HP1BP3: variants seen among roughly 807,000 people sequenced by gnomAD.
HP1BP3 encodes heterochromatin protein 1 binding protein 3.
Under a neutral mutation model 62.5 loss-of-function variants are expected in HP1BP3, and 12 were observed. The observed-to-expected ratio is 0.19, with a 90% CI of 0.12 to 0.31. HP1BP3 has a LOEUF of 0.31. Ranked by LOEUF, HP1BP3 falls within the 10% of genes least tolerant of loss-of-function variation. The pLI, the probability that HP1BP3 is intolerant of heterozygous loss-of-function variation, is 1.00. For missense variants in HP1BP3, 502 were observed against 651.8 expected (o/e 0.77, Z 2.50); for synonymous variants, 260 against 237.8 (o/e 1.09, Z -0.86).
Position 20,745,023 on chromosome 1 carries a change from G to A in HP1BP3, c.1436C>T (p.Pro479Leu). Residue 479 changes from proline to leucine, a missense_variant, in exon 13 of 13, where the codon CCT becomes CTT. Around this residue, in one of 5 missense-constraint regions of HP1BP3, gnomAD observed 194 missense variants for 207.0 expected, o/e 0.94. Coordinates refer to ENST00000438032, the MANE Select transcript of HP1BP3 (RefSeq NM_001372052.1). ...CTGGGCAGCTGAGACTTTAGGTGCA[G>A]GTTTGGACCCTCTCTGCTTCACAGA... ...AASVKQRGSK[P>L]APKVSAAQRG... The A allele has an allele frequency of 1.2e-6, 2 of 1,614,166 alleles. No homozygotes were observed. The highest frequency in any genetic ancestry group is 1.7e-4 in the Middle Eastern group (1 of 6,042).
chr1:20,766,950 A>AAAACAAACAAAC lies in HP1BP3; in HGVS notation c.735+622_735+633dup, dbSNP rs111382368. Among the ~76,000 whole-genome samples, 819 of 152,032 alleles carry AAAACAAACAAAC rather than the reference A, an allele frequency of 5.4e-3. 7 individuals are homozygous for AAAACAAACAAAC. The highest frequency in any genetic ancestry group is 0.018 in the African/African-American group (761 of 41,356). On this transcript the variant is annotated intron_variant, in intron 7 of 12. Transcript: ENST00000438032. ...AGAGCAAGATTCTATCTTAGAAAAGAAAACAAACAAACAAACAAACAAAAA... is the reference window on the plus strand; with the variant it reads ...AGAGCAAGATTCTATCTTAGAAAAGAAAACAAACAAACAAACAAACAAACAAACAAACAAAAA...
At chr1:20,765,557 GATC>G (rs1384276630) in intron 7 of HP1BP3, 26 bp from the exon 8 acceptor site, 1 of 1,578,802 alleles carries the variant, frequency 6.3e-7, no homozygotes, top group East Asian at 2.3e-5. Context: ...CAAAAATTAT[GATC>G]ATTATAGAAC....
intron 5 of HP1BP3, 97 bp downstream of exon 5, chr1:20,773,354 C>G (rs1191804776): frequency 1.2e-5 from 12 of 997,024 alleles, no homozygotes; most frequent in Non-Finnish European, 1.2e-5. Flanking sequence ...GGAAGCAGAA[C>G]AAGATTTATG....
At chr1:20,745,157 A>G (rs2055233435) in intron 12 of HP1BP3, 66 bp from the exon 13 acceptor site, 6 of 1,508,362 alleles carry the variant, frequency 4.0e-6, no homozygotes, top group African/African-American at 1.4e-5. Context: ...TGGGACAACC[A>G]GATGCTTTCT....
Position 20,780,494 on chromosome 1 carries a change from AACC to A in HP1BP3, c.-57_-55del, listed in dbSNP as rs1159025305. On this transcript the variant is annotated 5_prime_UTR_variant, in exon 2 of 13. Coordinates refer to ENST00000438032, the MANE Select transcript of HP1BP3 (RefSeq NM_001372052.1). ...GTTACACTCTGAAGCCTCTGCTGTT[AACC>A]ACAAGGATTTTTCCTAATGGTTTCA... is the stretch of plus-strand genomic sequence containing the variant. 2 of 1,266,912 alleles carry A rather than the reference AACC, an allele frequency of 1.6e-6. No homozygotes were observed. Among genetic ancestry groups the A allele is most frequent in the Non-Finnish European group, 2.3e-6 (2 of 865,710 alleles). 78.5% of individuals were successfully genotyped at this position (1,266,912 alleles called of 1,614,324 possible). A position where few individuals can be genotyped will look rare whatever the true frequency, so the allele number is the denominator to read the frequency against.
chr1:20,754,693 A>G (rs2055992968), intron 9 of HP1BP3, among the ~76,000 whole-genome samples: 1 of 152,162 alleles, frequency 6.6e-6, no homozygotes, highest in Non-Finnish European at 1.5e-5. Context: ...TGGTCAATTG[A>G]TTTTCATAAG....
At chr1:20,777,119 G>C (rs2057337054) in intron 3 of HP1BP3, among the ~76,000 whole-genome samples, 1 of 152,024 alleles carries the variant, frequency 6.6e-6, no homozygotes, top group Admixed American at 6.6e-5. Flanking sequence ...AAAAACTCAT[G>C]TATTCTCCAA....
chr1:20,770,382 C>T (rs144970886), intron 6 of HP1BP3, among the ~76,000 whole-genome samples: 21 of 152,258 alleles, frequency 1.4e-4, no homozygotes, highest in Middle Eastern at 3.4e-3. Context: ...GTGGTGAGAT[C>T]GTAACTCACA....
At chr1:20,761,576 G>C (rs2056484598) in intron 8 of HP1BP3, among the ~76,000 whole-genome samples, 1 of 151,952 alleles carries the variant, frequency 6.6e-6, no homozygotes, top group South Asian at 2.1e-4. Context: ...AGACATCCAA[G>C]TGCTGATGCT....
rs2055127238 is a variant in HP1BP3 at position 20,742,997 on chromosome 1, G to A, written c.*1800C>T. On this transcript the variant is annotated 3_prime_UTR_variant, in exon 13 of 13. Coordinates refer to ENST00000438032, the MANE Select transcript of HP1BP3 (RefSeq NM_001372052.1). The stretch of plus-strand genomic sequence containing the variant: ...CAATTAAAATGTCAAGTGCCACAGG[G>A]AAGAGAAATGATAACCAGAAATTTG... The A allele has an allele frequency of 6.6e-6, 1 of 152,530 alleles. No homozygotes were observed. The highest frequency in any genetic ancestry group is 6.5e-5 in the Admixed American group (1 of 15,276). 9.4% of individuals were successfully genotyped at this position (152,530 alleles called of 1,614,324 possible). A position where few individuals can be genotyped will look rare whatever the true frequency, so the allele number is the denominator to read the frequency against.
At chr1:20,786,071 C>G (rs2057808850) in intron 1 of HP1BP3, 1 of 151,514 alleles carries the variant, frequency 6.6e-6, no homozygotes, top group South Asian at 2.1e-4. Flanking sequence ...TGCGGCAGCA[C>G]AGTTCACCCG....
At chr1:20,775,872 G>A (rs557664127) in intron 4 of HP1BP3, 6 of 1,277,204 alleles carry the variant, frequency 4.7e-6, no homozygotes, top group East Asian at 2.6e-5. Context: ...ATGTTGGCAC[G>A]ATGATGAAAT....
At chr1:20,769,395 A>G (rs966156105) in intron 6 of HP1BP3, among the ~76,000 whole-genome samples, 1 of 151,922 alleles carries the variant, frequency 6.6e-6, no homozygotes, top group Non-Finnish European at 1.5e-5. Context: ...TTGTCTCTAC[A>G]AAGAATACAA....
chr1:20,768,210 G>A (rs912503391), intron 6 of HP1BP3, among the ~76,000 whole-genome samples: 5 of 152,174 alleles, frequency 3.3e-5, no homozygotes, highest in Non-Finnish European at 7.3e-5. Context: ...ACTTTGGGAG[G>A]CCGAGGCGGG....
intron 10 of HP1BP3, among the ~76,000 whole-genome samples, chr1:20,748,549 A>AGGGTT (rs1302885433): frequency 6.6e-6 from 1 of 152,218 alleles, no homozygotes; most frequent in Non-Finnish European, 1.5e-5. Flanking sequence ...GATTGAGATC[A>AGGGTT]TCTTGGCTAA....
intron 4 of HP1BP3, chr1:20,775,078 CTTTT>C (rs2057243469): frequency 6.6e-6 from 1 of 151,440 alleles, no homozygotes; most frequent in African/African-American, 2.4e-5. Context: ...CTATACTATA[CTTTT>C]TATCATTAGA....
intron 3 of HP1BP3, among the ~76,000 whole-genome samples, chr1:20,778,847 T>C (rs979894587): frequency 1.3e-5 from 2 of 151,700 alleles, no homozygotes; most frequent in African/African-American, 2.4e-5. Context: ...TGGAATACAA[T>C]GGCGTGATCT....
chr1:20,782,650 T>C (rs1035448590), intron 1 of HP1BP3, among the ~76,000 whole-genome samples: 4 of 149,576 alleles, frequency 2.7e-5, no homozygotes, highest in African/African-American at 4.9e-5. Context: ...CGCCTGTATC[T>C]CAGCACTTTG....
chr1:20,752,238 C>T (rs1311680322), intron 9 of HP1BP3, among the ~76,000 whole-genome samples: 5 of 151,784 alleles, frequency 3.3e-5, no homozygotes, highest in African/African-American at 7.3e-5. Context: ...CTCACTGCAA[C>T]AAGACTCCAT....
Sources: allele counts gnomAD v4.1 joint callset (sites outside exome capture counted in the v4.1 genomes callset), GRCh38; gene constraint gnomAD v4.1.1; regional missense constraint gnomAD v4.1.1; transcripts MANE v1.5; gene names NCBI Gene and HGNC (gene_info 2026-07-23, HGNC 2026-07-21).